The following SNX10 variants were observed in gnomAD, a reference collection of about 807,000 sequenced individuals.
SNX10 encodes the protein sorting nexin-10.
Under a neutral mutation model 28.5 loss-of-function variants are expected in SNX10, and 25 were observed. That is an observed-to-expected ratio of 0.88 (90% confidence interval 0.64 to 1.22). The LOEUF (loss-of-function observed/expected upper bound fraction) is 1.22, where lower values mean the gene tolerates loss of function less well. Ranked by LOEUF, SNX10 falls within the 50% of genes most tolerant of loss-of-function variation. The probability of loss-of-function intolerance (pLI) is 0.00; values close to 1 mark genes in which losing one functional copy is unlikely to be tolerated. For missense variants in SNX10, 223 were observed against 242.6 expected (o/e 0.92, Z 0.54); for synonymous variants, 62 against 81.4 (o/e 0.76, Z 1.28).
At chr7:26,298,353 T>G (rs1215671525) in intron 1 of SNX10, among the ~76,000 whole-genome samples, 2 of 152,224 alleles carry the variant, frequency 1.3e-5, no homozygotes, top group African/African-American at 4.8e-5. Flanking sequence ...GTAATTCACA[T>G]ATATATGTAA....
At chr7:26,318,173 G>A (rs959805620) in intron 1 of SNX10, among the ~76,000 whole-genome samples, 3 of 152,090 alleles carry the variant, frequency 2.0e-5, no homozygotes, top group South Asian at 2.1e-4. Flanking sequence ...CCAGGCTAAC[G>A]CATATTTCCT....
At chr7:26,348,087 AT>A (rs1178829010) in intron 2 of SNX10, among the ~76,000 whole-genome samples, 1 of 152,056 alleles carries the variant, frequency 6.6e-6, no homozygotes, top group Admixed American at 6.6e-5. Context: ...GCCTAAATGG[AT>A]TTTTATATAC....
Position 26,303,802 on chromosome 7 carries a change from TG to T in SNX10, c.-24+11719del, listed in dbSNP as rs577996634. 2.1e-3 allele frequency among the ~76,000 whole-genome samples: 326 copies of T among 152,348 alleles called. 3 individuals carry two copies. Among genetic ancestry groups the T allele is most frequent in the South Asian group, 0.012 (60 of 4,832 alleles). On this transcript the variant is annotated intron_variant, in intron 1 of 6. Coordinates refer to ENST00000338523, the MANE Select transcript of SNX10 (RefSeq NM_013322.3). ...GACCTAGGGACTTGTATCTTATTCC[TG>T]GGTGATCCAGAGGCTATGACACACT... is the stretch of plus-strand genomic sequence containing the variant.
At chr7:26,370,665 T>C (rs779013533) in intron 5 of SNX10, 16 of 152,238 alleles carry the variant, frequency 1.1e-4, no homozygotes, top group Admixed American at 2.0e-4. Context: ...ACTAAATTGA[T>C]ATTAATGGCC....
At chr7:26,313,005 A>T (rs569244676) in intron 1 of SNX10, among the ~76,000 whole-genome samples, 2 of 152,356 alleles carry the variant, frequency 1.3e-5, no homozygotes, top group African/African-American at 4.8e-5. Flanking sequence ...GATGATTCAG[A>T]TGATATGGCT....
chr7:26,341,680 T>C (rs935003748), intron 1 of SNX10, among the ~76,000 whole-genome samples: 15 of 152,068 alleles, frequency 9.9e-5, no homozygotes, highest in African/African-American at 3.6e-4. Context: ...AGACAGGGTT[T>C]CACCATATTG....
At chr7:26,305,915 CAGAATCTCTCTCTCTGTCGCCCA>C (rs2127995487) in intron 1 of SNX10, among the ~76,000 whole-genome samples, 1 of 152,294 alleles carries the variant, frequency 6.6e-6, no homozygotes, top group East Asian at 1.9e-4. Flanking sequence ...TTATTTTAGA[CAGAATCTCTCTCTCTGTCGCCCA>C]AGCTGGAGTG....
chr7:26,353,021 C>G (rs1355660915), intron 2 of SNX10, among the ~76,000 whole-genome samples: 2 of 151,936 alleles, frequency 1.3e-5, no homozygotes, highest in East Asian at 3.9e-4. Flanking sequence ...TGATGTGTTA[C>G]AAGATATGAA....
intron 1 of SNX10, among the ~76,000 whole-genome samples, chr7:26,294,174 T>C (rs989120029): frequency 2.6e-5 from 4 of 152,150 alleles, no homozygotes; most frequent in Non-Finnish European, 4.4e-5. Context: ...CTGTGGGGAA[T>C]CCCCCAAATT....
At position 26,364,226 on chromosome 7, in the gene SNX10, AT is replaced by A; in HGVS notation, c.112-303del. 1.6e-6 allele frequency: 1 copy of A among 619,864 alleles called. No homozygotes were observed. The highest frequency in any genetic ancestry group is 2.1e-6 in the Non-Finnish European group (1 of 483,344). The allele number at this position is 619,864 out of a possible 1,614,324, so 38.4% of individuals were successfully genotyped here. Reference sequence around the variant, plus strand: ...ACCTGTCATTTATATGTTAGGATTTATTTTTTATGATTTATTCTTGAAAGCA... The same window carrying A: ...ACCTGTCATTTATATGTTAGGATTTATTTTTATGATTTATTCTTGAAAGCA... On this transcript the variant is annotated intron_variant, in intron 3 of 6. Transcript: ENST00000338523. The surrounding 1 kb of genome is among the most constrained non-coding windows in gnomAD (Gnocchi z 4.9).
intron 2 of SNX10, chr7:26,360,412 G>A (rs187929246): frequency 3.2e-4 from 49 of 153,822 alleles, no homozygotes; most frequent in Non-Finnish European, 5.9e-4. Context: ...ACCACACTGC[G>A]CCTGGCTAAT....
intron 1 of SNX10, among the ~76,000 whole-genome samples, chr7:26,294,396 A>G (rs144946481): frequency 1.5e-3 from 234 of 152,316 alleles, no homozygotes; most frequent in African/African-American, 5.4e-3. Flanking sequence ...GTTGCCTGTT[A>G]TTCAGAAATA....
intron 1 of SNX10, among the ~76,000 whole-genome samples, chr7:26,322,303 T>C (rs928856341): frequency 2.6e-5 from 4 of 152,242 alleles, no homozygotes; most frequent in African/African-American, 9.6e-5. Flanking sequence ...CTTTTTGCTC[T>C]TTATATGAAA....
intron 1 of SNX10, among the ~76,000 whole-genome samples, chr7:26,315,093 C>G (rs931785413): frequency 2.0e-5 from 3 of 152,032 alleles, no homozygotes; most frequent in African/African-American, 7.2e-5. Flanking sequence ...TGAAAAGAGT[C>G]CACCAAAATG....
At chr7:26,321,915 A>T (rs953197421) in intron 1 of SNX10, among the ~76,000 whole-genome samples, 4 of 151,992 alleles carry the variant, frequency 2.6e-5, no homozygotes, top group African/African-American at 9.7e-5. Context: ...CTGGCTCCCA[A>T]ATCATTTTAA....
chr7:26,358,806 T>TG (rs971923876), intron 2 of SNX10, among the ~76,000 whole-genome samples: 1 of 52,608 alleles, frequency 1.9e-5, no homozygotes, highest in Non-Finnish European at 4.7e-5. Context: ...TTATCTTGTG[T>TG]TTTTTTTTTT....
At chr7:26,305,955 C>T (rs192319233) in intron 1 of SNX10, among the ~76,000 whole-genome samples, 47 of 152,244 alleles carry the variant, frequency 3.1e-4, no homozygotes, top group African/African-American at 8.4e-4. Flanking sequence ...AGTGCAGTGG[C>T]GCAATCGTGG....
At chr7:26,313,616 G>A (rs1786938597) in intron 1 of SNX10, among the ~76,000 whole-genome samples, 1 of 152,024 alleles carries the variant, frequency 6.6e-6, no homozygotes, top group East Asian at 1.9e-4. Flanking sequence ...AAATGAGTGT[G>A]GCTAAAGTCT....
At chr7:26,310,599 G>A (rs1490046233) in intron 1 of SNX10, among the ~76,000 whole-genome samples, 1 of 152,048 alleles carries the variant, frequency 6.6e-6, no homozygotes, top group Non-Finnish European at 1.5e-5. Flanking sequence ...CCACCTTGGT[G>A]AGTTGGGGGT....
Sources: allele counts gnomAD v4.1 joint callset (sites outside exome capture counted in the v4.1 genomes callset), GRCh38; gene constraint gnomAD v4.1.1; non-coding constraint Gnocchi (gnomAD v3.1); transcripts MANE v1.5; gene names NCBI Gene and HGNC (gene_info 2026-07-23, HGNC 2026-07-21).